The following FAM178B variants were observed in gnomAD, a reference collection of about 807,000 sequenced individuals.
FAM178B encodes the protein protein FAM178B.
A neutral mutation model predicts 91.7 loss-of-function variants in FAM178B; 82 were observed. The ratio of observed to expected loss-of-function variants is 0.89; its 90% CI spans 0.75 to 1.07. The LOEUF is 1.07. FAM178B is among the 50% of genes least tolerant of loss of function. The probability of loss-of-function intolerance (pLI) is 0.00; values close to 1 mark genes in which losing one functional copy is unlikely to be tolerated. For missense variants in FAM178B, 769 were observed against 846.7 expected (o/e 0.91, Z 1.14); for synonymous variants, 368 against 359.4 (o/e 1.02, Z -0.27).
chr2:96,893,904 CGGGTGCT>C lies in FAM178B; in HGVS notation c.1776+15_1776+21del. 3.7e-6 allele frequency: 6 copies of C among 1,605,522 alleles called. No individual in the cohort carries two copies. Among genetic ancestry groups the C allele is most frequent in the Non-Finnish European group, 5.1e-6 (6 of 1,175,848 alleles). On this transcript the variant is annotated intron_variant, in intron 14 of 16. Coordinates refer to ENST00000490605, the MANE Select transcript of FAM178B (RefSeq NM_001122646.3). ...GTGGTGGCACCGTGGTGGAGGCAGG[CGGGTGCT>C]GGGTGCTCACTCACCTTGTGGTCTA...
chr2:96,907,359 C>T (rs2081075960), intron 12 of FAM178B, among the ~76,000 whole-genome samples: 1 of 152,196 alleles, frequency 6.6e-6, no homozygotes, highest in African/African-American at 2.4e-5. Flanking sequence ...GTGCAGGGCA[C>T]AAGCAGAGGG....
At chr2:96,890,059 T>C (rs2080633899) in intron 14 of FAM178B, among the ~76,000 whole-genome samples, 1 of 151,768 alleles carries the variant, frequency 6.6e-6, no homozygotes, top group African/African-American at 2.4e-5. Context: ...GCAGATCACC[T>C]GAGGTCATGA....
Position 96,970,764 on chromosome 2 carries a change from C to T in FAM178B, c.578G>A (p.Gly193Asp), listed in dbSNP as rs1249517107. The T allele has an allele frequency of 6.5e-7, 1 of 1,549,544 alleles. No homozygotes were observed. The highest frequency in any genetic ancestry group is 2.0e-5 in the Admixed American group (1 of 50,950). ...CAGGTTGTTGAAGTAGCTTCCTGAG[C>T]CCCCCCAGGAAAACTGGAGAAACAG... ...QAAAPEFSWG[G>D]SGSYFNNLDY... Residue 193 changes from glycine to aspartate, a missense_variant, in exon 4 of 17, where the codon GGC becomes GAC. Gly to Asp is a moderately conservative substitution (Grantham distance 94, BLOSUM62 -1). Transcript: ENST00000490605.
At chr2:96,915,860 CA>C (rs2081233375) in intron 12 of FAM178B, among the ~76,000 whole-genome samples, 1 of 151,830 alleles carries the variant, frequency 6.6e-6, no homozygotes, top group South Asian at 2.1e-4. Context: ...CCTAGGCAAC[CA>C]AAAACACTCC....
chr2:96,976,467 T>C (rs1326376949), intron 1 of FAM178B, among the ~76,000 whole-genome samples: 2 of 152,050 alleles, frequency 1.3e-5, no homozygotes, highest in Non-Finnish European at 2.9e-5. Flanking sequence ...CTCCTAGGTA[T>C]AATATCCAAA....
intron 14 of FAM178B, among the ~76,000 whole-genome samples, chr2:96,886,852 C>T (rs1350144487): frequency 6.6e-6 from 1 of 152,194 alleles, no homozygotes. Flanking sequence ...AAGCCATCCT[C>T]CCGAGTAGCT....
chr2:96,914,962 TC>T (rs1279260588), intron 12 of FAM178B, among the ~76,000 whole-genome samples: 4 of 151,476 alleles, frequency 2.6e-5, no homozygotes, highest in African/African-American at 9.7e-5. Context: ...TTGCTCTGAT[TC>T]ACAATGATGT....
chr2:96,905,844 ATATATATATATATATATTTTTTTTTTT>A lies in FAM178B; in HGVS notation c.1563-3164_1563-3138del, dbSNP rs1559064225. On this transcript the variant is annotated intron_variant, in intron 12 of 16. Coordinates refer to ENST00000490605, the MANE Select transcript of FAM178B (RefSeq NM_001122646.3). ...TATATATATATATATATATATATAT[ATATATATATATATATATTTTTTTTTTT>A]TTTTTTTTTTTTTTTTTGAGATGGA... Among the ~76,000 whole-genome samples, 248 of 28,608 alleles carry A rather than the reference ATATATATATATATATATTTTTTTTTTT, an allele frequency of 8.7e-3. 4 individuals carry two copies. Among genetic ancestry groups the A allele is most frequent in the African/African-American group, 0.024 (235 of 9,908 alleles). 18.8% of individuals were successfully genotyped at this position (28,608 alleles called of 152,430 possible).
chr2:96,958,677 G>A (rs1349892051), intron 6 of FAM178B, among the ~76,000 whole-genome samples: 7 of 121,354 alleles, frequency 5.8e-5, no homozygotes, highest in Non-Finnish European at 9.6e-5. Flanking sequence ...GCGACAGAGT[G>A]AGACTCCATC....
chr2:96,982,087 C>A (rs1257873366), intron 1 of FAM178B, among the ~76,000 whole-genome samples: 2 of 151,920 alleles, frequency 1.3e-5, no homozygotes, highest in South Asian at 2.1e-4. Context: ...AAAAAATCTT[C>A]GTTTATTCCA....
At chr2:96,944,771 C>G (rs2081795414) in intron 8 of FAM178B, among the ~76,000 whole-genome samples, 1 of 152,160 alleles carries the variant, frequency 6.6e-6, no homozygotes, top group African/African-American at 2.4e-5. Flanking sequence ...AATACCAGAC[C>G]TGCGTTTACC....
chr2:96,893,360 G>A (rs886386460), intron 14 of FAM178B, among the ~76,000 whole-genome samples: 2 of 152,092 alleles, frequency 1.3e-5, no homozygotes, highest in African/African-American at 4.8e-5. Flanking sequence ...GCAGGCCCTG[G>A]GGCACCTTGT....
chr2:96,977,965 A>G (rs1056100736), intron 1 of FAM178B: 7 of 450,072 alleles, frequency 1.6e-5, no homozygotes, highest in African/African-American at 1.4e-4. Flanking sequence ...GAGGGGGGCG[A>G]CCGGCAAGAG....
At chr2:96,935,264 G>A (rs2153372129) in intron 8 of FAM178B, among the ~76,000 whole-genome samples, 1 of 152,316 alleles carries the variant, frequency 6.6e-6, no homozygotes, top group African/African-American at 2.4e-5. Flanking sequence ...CAAGTAGGCA[G>A]GTCACAGCCG....
intron 14 of FAM178B, among the ~76,000 whole-genome samples, chr2:96,880,238 C>T (rs1006608192): frequency 3.3e-5 from 5 of 152,002 alleles, no homozygotes; most frequent in South Asian, 2.1e-4. Flanking sequence ...CAGTAGGATT[C>T]GAGGCAAAGA....
chr2:96,898,353 G>C (rs920152167), intron 13 of FAM178B, among the ~76,000 whole-genome samples: 4 of 152,168 alleles, frequency 2.6e-5, no homozygotes, highest in Non-Finnish European at 4.4e-5. Flanking sequence ...GTCAAGGGCA[G>C]GACTTTAATC....
intron 1 of FAM178B, among the ~76,000 whole-genome samples, chr2:96,981,960 T>C (rs893419128): frequency 6.6e-6 from 1 of 151,254 alleles, no homozygotes; most frequent in Non-Finnish European, 1.5e-5. Context: ...ACCAGCTACT[T>C]GGGAGGCTGA....
intron 8 of FAM178B, among the ~76,000 whole-genome samples, chr2:96,934,934 C>T (rs1006381829): frequency 2.0e-5 from 3 of 152,330 alleles, no homozygotes; most frequent in African/African-American, 7.2e-5. Context: ...CTATAGGCCC[C>T]TGGCCTGCTT....
At chr2:96,927,878 GTTCAT>G (rs547907100) in intron 9 of FAM178B, among the ~76,000 whole-genome samples, 10 of 152,280 alleles carry the variant, frequency 6.6e-5, no homozygotes, top group Admixed American at 5.9e-4. Context: ...TGCCTCAGAC[GTTCAT>G]TTGTCTTTCT....
Sources: allele counts gnomAD v4.1 joint callset (sites outside exome capture counted in the v4.1 genomes callset), GRCh38; gene constraint gnomAD v4.1.1; transcripts MANE v1.5; gene names NCBI Gene and HGNC (gene_info 2026-07-23, HGNC 2026-07-21).